TEX11: variants seen among roughly 807,000 people sequenced by gnomAD.
The protein encoded by TEX11 is testis expressed 11, also known as testis-expressed protein 11.
In TEX11, 7 loss-of-function variants were observed where a neutral mutation model predicts 84.4. That is an observed-to-expected ratio of 0.08 (90% confidence interval 0.05 to 0.16). The LOEUF (loss-of-function observed/expected upper bound fraction) is 0.16. TEX11 is among the 10% of genes least tolerant of loss of function. The pLI is 1.00. For missense variants in TEX11, 551 were observed against 660.5 expected (o/e 0.83, Z 1.82); for synonymous variants, 264 against 222.8 (o/e 1.18, Z -1.64).
chrX:70,669,726 C>T (rs998148348), intron 16 of TEX11, among the ~76,000 whole-genome samples: 1 of 112,413 alleles, frequency 8.9e-6, no homozygotes, highest in East Asian at 2.8e-4. Context: ...CAACAAAAAC[C>T]TTCATATTTC....
At chrX:70,655,522 T>C (rs1352825303) in intron 16 of TEX11, among the ~76,000 whole-genome samples, 2 of 112,190 alleles carry the variant, frequency 1.8e-5, no homozygotes, top group East Asian at 2.8e-4. Context: ...TTTCAACTTA[T>C]GATCAATTTA....
intron 13 of TEX11, among the ~76,000 whole-genome samples, chrX:70,691,846 G>T (rs982212453): frequency 1.8e-5 from 2 of 110,665 alleles, no homozygotes; most frequent in Non-Finnish European, 3.8e-5. Flanking sequence ...CCATGAAGTG[G>T]ATATGTTAAT....
chrX:70,563,331 T>C lies in TEX11; in HGVS notation c.2141-8531A>G, dbSNP rs765400523. Among the ~76,000 whole-genome samples the C allele has an allele frequency of 4.5e-5, 5 of 112,093 alleles. No homozygotes were observed. The East Asian group carries it at 1.4e-3, about 31-fold the overall frequency. ...CTGGAAAACATGTAAAGGAGAAGAA[T>C]GGCTATGACTAGAAGGTTGGAAAAT... is the stretch of plus-strand genomic sequence containing the variant. On this transcript the variant is annotated intron_variant, in intron 25 of 29. Coordinates refer to ENST00000374333, the MANE Select transcript of TEX11 (RefSeq NM_031276.3).
At chrX:70,702,808 T>A (rs186329338) in intron 13 of TEX11, among the ~76,000 whole-genome samples, 1 of 111,593 alleles carries the variant, frequency 9.0e-6, no homozygotes, top group East Asian at 2.8e-4. Context: ...CTTTTGAGAT[T>A]GGCCTTTTTT....
At chrX:70,639,668 T>C (rs2147581569) in intron 17 of TEX11, among the ~76,000 whole-genome samples, 1 of 111,423 alleles carries the variant, frequency 9.0e-6, no homozygotes, top group East Asian at 2.8e-4. Flanking sequence ...GACTGACACC[T>C]CACACTGCAG....
rs187776055 is a variant in TEX11, at chrX:70,782,816, T to C, written c.692+23889A>G. On this transcript the variant is annotated intron_variant, in intron 9 of 29. Coordinates refer to ENST00000374333, the MANE Select transcript of TEX11 (RefSeq NM_031276.3). ...TATATATGCACCCAATACAGGAGCA[T>C]CCATATTCACAAAACAATCCTTAGA... is the stretch of plus-strand genomic sequence containing the variant. Among the ~76,000 whole-genome samples the C allele has an allele frequency of 3.1e-3, 335 of 109,806 alleles. 1 individual carries two copies. Among genetic ancestry groups the C allele is most frequent in the African/African-American group, 0.011 (317 of 30,156 alleles).
intron 13 of TEX11, among the ~76,000 whole-genome samples, chrX:70,715,292 T>C (rs757614169): frequency 6.3e-5 from 7 of 110,618 alleles, no homozygotes; most frequent in African/African-American, 1.7e-4. Context: ...CTTCTCGAGG[T>C]GTATCTTTGT....
chrX:70,787,426 G>A (rs6653307), intron 9 of TEX11, among the ~76,000 whole-genome samples: 7,719 of 109,323 alleles, frequency 0.071, 234 homozygotes, highest in East Asian at 0.13. Context: ...CACCTCCCAG[G>A]TTCAAATGAT....
At chrX:70,572,695 T>C (rs1160439579) in intron 25 of TEX11, among the ~76,000 whole-genome samples, 1 of 109,660 alleles carries the variant, frequency 9.1e-6, no homozygotes, top group Non-Finnish European at 1.9e-5. Flanking sequence ...GTTCATGTCC[T>C]TTGTAGGGAC....
chrX:70,520,134 A>G, the TEX11 span, among the ~76,000 whole-genome samples: 1 of 112,071 alleles, frequency 8.9e-6, no homozygotes, highest in African/African-American at 3.2e-5. Context: ...CATCAAAGTC[A>G]TTCTCTGTCC....
chrX:70,603,720 A>G (rs919900500), intron 24 of TEX11, among the ~76,000 whole-genome samples: 4 of 111,327 alleles, frequency 3.6e-5, no homozygotes, highest in African/African-American at 1.3e-4. Context: ...ATTAAACTAA[A>G]GAGCTTCTGC....
chrX:70,729,266 C>G (rs2090624613), intron 11 of TEX11, among the ~76,000 whole-genome samples: 1 of 112,307 alleles, frequency 8.9e-6, no homozygotes, highest in African/African-American at 3.2e-5. Context: ...TCTCCTCTTC[C>G]AAAGGAGCGC....
At chrX:70,861,111 G>C (rs1324511721) in intron 4 of TEX11, among the ~76,000 whole-genome samples, 175 bp from the exon 5 acceptor site, 2 of 99,238 alleles carry the variant, frequency 2.0e-5, no homozygotes, top group Non-Finnish European at 4.1e-5. Flanking sequence ...GCCCAGGCTG[G>C]AGTGCAGTGG....
chrX:70,562,559 T>A (rs756731337), intron 25 of TEX11, among the ~76,000 whole-genome samples: 4 of 112,406 alleles, frequency 3.6e-5, no homozygotes, highest in Admixed American at 9.5e-5. Context: ...TAAATCGGCT[T>A]CTTTCTTCCT....
intron 24 of TEX11, among the ~76,000 whole-genome samples, chrX:70,604,089 A>C (rs1420513404): frequency 8.9e-6 from 1 of 111,796 alleles, no homozygotes; most frequent in Non-Finnish European, 1.9e-5. Flanking sequence ...AAGAACACAG[A>C]ATAAAAAAGA....
chrX:70,806,873 T>C, intron 8 of TEX11, 83 bp from the exon 9 acceptor site: 1 of 620,536 alleles, frequency 1.6e-6, no homozygotes, highest in Non-Finnish European at 2.5e-6. Flanking sequence ...CAGTGAGCCA[T>C]GACGGTGCCA....
At chrX:70,546,500 A>T (rs1177442837) in intron 28 of TEX11, among the ~76,000 whole-genome samples, 1 of 111,329 alleles carries the variant, frequency 9.0e-6, no homozygotes, top group Non-Finnish European at 1.9e-5. Flanking sequence ...CATATCTGGT[A>T]AAGGACTTGT....
rs773534359 is a variant in TEX11 at position 70,568,169 on chromosome X, T to G, written c.2141-13369A>C. On this transcript the variant is annotated intron_variant, in intron 25 of 29. Transcript: ENST00000374333. ...CTTTACCATTATGTAATGGCCTTCTTTGTCTCTTTTGATCTTTGTTGGTTT... is the reference window on the plus strand; with the variant it reads ...CTTTACCATTATGTAATGGCCTTCTGTGTCTCTTTTGATCTTTGTTGGTTT... 8.1e-5 allele frequency among the ~76,000 whole-genome samples: 9 copies of G among 111,628 alleles called. No individual in the cohort carries two copies. The South Asian group carries it at 3.0e-3, about 38-fold the overall frequency.
chrX:70,709,623 A>T (rs970971585), intron 13 of TEX11, among the ~76,000 whole-genome samples: 4 of 111,665 alleles, frequency 3.6e-5, no homozygotes, highest in African/African-American at 1.3e-4. Context: ...ATAATACCAT[A>T]TCAAATTTTC....
Sources: gnomAD v4.1 joint callset for allele counts (sites outside exome capture counted in the v4.1 genomes callset) on GRCh38, gnomAD v4.1.1 for gene constraint, MANE v1.5 for transcripts, NCBI Gene and HGNC (gene_info 2026-07-23, HGNC 2026-07-21) for gene names.